The following KIF13A variants were observed in gnomAD, a reference collection of about 807,000 sequenced individuals.
KIF13A encodes kinesin-like protein KIF13A.
Under a neutral mutation model 212.2 loss-of-function variants are expected in KIF13A, and 79 were observed. The observed-to-expected ratio is 0.37, with a 90% CI of 0.31 to 0.45. The LOEUF (loss-of-function observed/expected upper bound fraction) is 0.45, where lower values mean the gene tolerates loss of function less well. Among genes scored for constraint, KIF13A ranks in the 20% least tolerant of loss-of-function variants. The pLI is 1.00. For synonymous variants in KIF13A, 789 were observed against 808.6 expected (o/e 0.98, Z 0.41); for missense variants, 1,901 against 2,209.0 (o/e 0.86, Z 2.79).
At chr6:17,911,255 T>C (rs1229543524) in intron 2 of KIF13A, among the ~76,000 whole-genome samples, 1 of 152,220 alleles carries the variant, frequency 6.6e-6, no homozygotes, top group Non-Finnish European at 1.5e-5. Flanking sequence ...GGCCAAACCA[T>C]CTCCACTGAC....
At chr6:17,977,565 G>A (rs1358884732) in intron 2 of KIF13A, among the ~76,000 whole-genome samples, 1 of 152,140 alleles carries the variant, frequency 6.6e-6, no homozygotes, top group African/African-American at 2.4e-5. Context: ...CTATGACTAT[G>A]ACTATTTGTA....
At chr6:17,861,814 T>C (rs928744824) in intron 4 of KIF13A, among the ~76,000 whole-genome samples, 1 of 152,202 alleles carries the variant, frequency 6.6e-6, no homozygotes, top group African/African-American at 2.4e-5. Flanking sequence ...ATGTTATAAA[T>C]ATTTTTTCCC....
chr6:17,834,537 C>A lies in KIF13A; in HGVS notation c.1156-466G>T. Among the ~76,000 whole-genome samples, 1 of 152,196 alleles carries A rather than the reference C, an allele frequency of 6.6e-6. No individual in the cohort carries two copies. Among genetic ancestry groups the A allele is most frequent in the East Asian group, 1.9e-4 (1 of 5,200 alleles). The stretch of plus-strand genomic sequence containing the variant: ...ATCTGGGCCTTTAGACTACCTTTCT[C>A]CACTGATGGTCATGCATTTTGTTAT... On this transcript the variant is annotated intron_variant, in intron 11 of 38. Coordinates refer to ENST00000259711, the MANE Select transcript of KIF13A (RefSeq NM_022113.6). This position sits in a 1 kb window ranked among gnomAD's most constrained non-coding sequence, Gnocchi z 4.0.
At chr6:17,868,821 T>A (rs1444052985) in intron 4 of KIF13A, among the ~76,000 whole-genome samples, 1 of 151,012 alleles carries the variant, frequency 6.6e-6, no homozygotes, top group Non-Finnish European at 1.5e-5. Context: ...GGTGAAACCC[T>A]GTCTCTACTA....
At chr6:17,819,231 C>A (rs1764222087) in intron 16 of KIF13A, among the ~76,000 whole-genome samples, 1 of 152,062 alleles carries the variant, frequency 6.6e-6, no homozygotes, top group African/African-American at 2.4e-5. Context: ...GATCTCCTGA[C>A]CTCATGACCT....
intron 3 of KIF13A, chr6:17,881,443 T>TAAAA: frequency 7.7e-6 from 3 of 389,660 alleles, no homozygotes; most frequent in Non-Finnish European, 1.5e-5. Flanking sequence ...AATTTACAGT[T>TAAAA]AAAAAAAAAA....
intron 38 of KIF13A, among the ~76,000 whole-genome samples, chr6:17,766,866 T>C (rs1581847604): frequency 1.3e-5 from 2 of 152,310 alleles, no homozygotes; most frequent in East Asian, 3.9e-4. Flanking sequence ...TCTATATACC[T>C]CAAAAAAAGT....
intron 2 of KIF13A, among the ~76,000 whole-genome samples, chr6:17,962,902 T>A (rs930900265): frequency 1.3e-5 from 2 of 152,196 alleles, no homozygotes; most frequent in Admixed American, 6.5e-5. Flanking sequence ...CAAACTGATG[T>A]TATCAGCCAG....
At chr6:17,960,986 G>A (rs149813053) in intron 2 of KIF13A, among the ~76,000 whole-genome samples, 4 of 152,280 alleles carry the variant, frequency 2.6e-5, no homozygotes, top group African/African-American at 4.8e-5. Context: ...TTCAAGAAGC[G>A]TAGCATCTTT....
At position 17,855,352 on chromosome 6, in the gene KIF13A, C is replaced by G; in HGVS notation, c.494+85G>C. ...AGTGTAGTCACCAAGAGCTTAAATA[C>G]GTATATTCACTTCCAATTTTAACTT... On this transcript the variant is annotated intron_variant, in intron 6 of 38. Transcript: ENST00000259711. The surrounding 1 kb of genome is among the most constrained non-coding windows in gnomAD (Gnocchi z 4.1). 9.8e-7 allele frequency: 1 copy of G among 1,024,704 alleles called. No homozygotes were observed. The highest frequency in any genetic ancestry group is 1.4e-6 in the Non-Finnish European group (1 of 696,330). The allele number at this position is 1,024,704 out of a possible 1,614,324, so 63.5% of individuals were successfully genotyped here.
In KIF13A at chr6:17,772,242, G is replaced by GA. The variant is rs1056154584; in HGVS notation, c.4325-184dup. Among the ~76,000 whole-genome samples, 23 of 149,386 alleles carry GA rather than the reference G, an allele frequency of 1.5e-4. No homozygotes were observed. The highest frequency in any genetic ancestry group is 2.1e-4 in the South Asian group (1 of 4,710). On this transcript the variant is annotated intron_variant, in intron 36 of 38. Coordinates refer to ENST00000259711, the MANE Select transcript of KIF13A (RefSeq NM_022113.6). This position sits in a 1 kb window ranked among gnomAD's most constrained non-coding sequence, Gnocchi z 4.8. ...GTGCAACATAGGGACACCAGTCTGT[G>GA]AAAAAAAAAATAAACAGATAGCCAG... is the stretch of plus-strand genomic sequence containing the variant.
At chr6:17,845,455 GTTAGCT>G (rs1289431094) in intron 9 of KIF13A, among the ~76,000 whole-genome samples, 1 of 152,164 alleles carries the variant, frequency 6.6e-6, no homozygotes, top group Non-Finnish European at 1.5e-5. Context: ...TTTTGGAGAT[GTTAGCT>G]TATTGATAAG....
In KIF13A at chr6:17,781,272, C is replaced by G. The variant is rs760182991; in HGVS notation, c.3574G>C (p.Val1192Leu). Residue 1192 changes from valine to leucine, a missense_variant, in exon 30 of 39, where the codon GTT becomes CTT. Val to Leu is a conservative substitution (Grantham distance 32, BLOSUM62 1). Around this residue, in one of 5 missense-constraint regions of KIF13A, gnomAD observed 687 missense variants for 759.1 expected, o/e 0.90. Transcript: ENST00000259711. ...ADDLSANEQL[V>L]GPHASGVNSI... Reference sequence around the variant, plus strand: ...TTCACGCCGGATGCATGGGGGCCAACAAGCTGCTCATTGGCACTGAGGTCA... The same window carrying G: ...TTCACGCCGGATGCATGGGGGCCAAGAAGCTGCTCATTGGCACTGAGGTCA... 4.3e-5 allele frequency: 69 copies of G among 1,612,524 alleles called. No homozygotes were observed. Among genetic ancestry groups the G allele is most frequent in the Admixed American group, 1.2e-4 (7 of 59,674 alleles).
intron 2 of KIF13A, among the ~76,000 whole-genome samples, chr6:17,960,485 T>C (rs1407239082): frequency 2.0e-5 from 3 of 152,224 alleles, no homozygotes; most frequent in Admixed American, 2.0e-4. Context: ...TATGCATTTA[T>C]GAATGTGATC....
At chr6:17,885,014 G>T (rs908938093) in intron 3 of KIF13A, among the ~76,000 whole-genome samples, 2 of 152,072 alleles carry the variant, frequency 1.3e-5, no homozygotes, top group African/African-American at 4.8e-5. Flanking sequence ...ACCAAGTAAA[G>T]TTCTAGATTT....
Position 17,786,051 on chromosome 6 carries a change from G to A in KIF13A, c.3362-410C>T, listed in dbSNP as rs1446151245. On this transcript the variant is annotated intron_variant, in intron 27 of 38. Coordinates refer to ENST00000259711, the MANE Select transcript of KIF13A (RefSeq NM_022113.6). This position sits in a 1 kb window ranked among gnomAD's most constrained non-coding sequence, Gnocchi z 5.4. Reference sequence around the variant, plus strand: ...CAAGAGCATGCATAGGGAGCTAAGAGGGGCTTCAACACCAATTTAAGGAAC... The same window carrying A: ...CAAGAGCATGCATAGGGAGCTAAGAAGGGCTTCAACACCAATTTAAGGAAC... Among the ~76,000 whole-genome samples the A allele has an allele frequency of 2.0e-5, 3 of 152,178 alleles. No homozygotes were observed. The highest frequency in any genetic ancestry group is 4.4e-5 in the Non-Finnish European group (3 of 68,042).
Position 17,886,891 on chromosome 6 carries a change from G to GA in KIF13A, c.159+11276dup, listed in dbSNP as rs879513996. ...GTTTTGTTGTCGTTGTTAAAAAGAGGAAAAAAAAAAAAGTCTTGGGAAATT... is the reference window on the plus strand; with the variant it reads ...GTTTTGTTGTCGTTGTTAAAAAGAGGAAAAAAAAAAAAAGTCTTGGGAAATT... On this transcript the variant is annotated intron_variant, in intron 3 of 38. Coordinates refer to ENST00000259711, the MANE Select transcript of KIF13A (RefSeq NM_022113.6). The surrounding 1 kb of genome is among the most constrained non-coding windows in gnomAD (Gnocchi z 5.6). 0.012 allele frequency among the ~76,000 whole-genome samples: 1,762 copies of GA among 141,036 alleles called. 27 individuals are homozygous for GA. The highest frequency in any genetic ancestry group is 0.042 in the African/African-American group (1,629 of 38,778). 92.5% of individuals were successfully genotyped at this position (141,036 alleles called of 152,430 possible). A position where few individuals can be genotyped will look rare whatever the true frequency, so the allele number is the denominator to read the frequency against.
chr6:17,760,352 T>A, downstream of KIF13A: 1 of 152,650 alleles, frequency 6.6e-6, no homozygotes, highest in East Asian at 1.9e-4. Context: ...TCCAGTACCT[T>A]ATGATTTTCT....
intron 33 of KIF13A, 27 bp downstream of exon 33, chr6:17,778,920 C>T: frequency 1.3e-6 from 2 of 1,555,884 alleles, no homozygotes; most frequent in Non-Finnish European, 1.7e-6. Flanking sequence ...GTGCTTTCAT[C>T]CTCGGTCCAG....
Sources: gnomAD v4.1 joint callset for allele counts (sites outside exome capture counted in the v4.1 genomes callset) on GRCh38, gnomAD v4.1.1 for gene constraint, gnomAD v4.1.1 regional missense constraint, Gnocchi (gnomAD v3.1) non-coding constraint, MANE v1.5 for transcripts, NCBI Gene and HGNC (gene_info 2026-07-23, HGNC 2026-07-21) for gene names.